The following NTM variants were observed in gnomAD, a reference collection of about 807,000 sequenced individuals.
NTM encodes neurotrimin, also known as IgLON family member 2.
NTM carries 13 observed loss-of-function variants against 42.1 expected under a neutral mutation model. The observed-to-expected ratio is 0.31, with a 90% CI of 0.20 to 0.49. The LOEUF (loss-of-function observed/expected upper bound fraction) is 0.49. NTM is among the 20% of genes least tolerant of loss of function. The pLI, the probability that NTM is intolerant of heterozygous loss-of-function variation, is 0.99. For missense variants in NTM, 373 were observed against 452.8 expected, an observed-to-expected ratio of 0.82 and a Z score of 1.60; for synonymous variants, 187 against 179.2, an observed-to-expected ratio of 1.04 and a Z score of -0.35.
At chr11:131,999,580 C>T (rs189837428) in intron 2 of NTM, among the ~76,000 whole-genome samples, 29 of 152,330 alleles carry the variant, frequency 1.9e-4, no homozygotes, top group African/African-American at 7.0e-4. Context: ...CCCTTCCTTC[C>T]AGAGCAGGGA....
chr11:131,468,085 G>A lies in NTM; in HGVS notation c.82+97197G>A, dbSNP rs902551876. Among the ~76,000 whole-genome samples the A allele has an allele frequency of 2.0e-5, 3 of 152,356 alleles. No homozygotes were observed. The East Asian group carries it at 5.8e-4, about 29-fold the overall frequency. On this transcript the variant is annotated intron_variant, in intron 1 of 8. Transcript: ENST00000683400. ...AGGGTCAGTGTGAACTGATCTCACA[G>A]GAAGGGCATTTAGTACGGTGGCTTC...
chr11:131,962,970 G>A (rs1036243060), intron 2 of NTM, among the ~76,000 whole-genome samples: 2 of 152,160 alleles, frequency 1.3e-5, no homozygotes, highest in African/African-American at 2.4e-5. Context: ...GTGTGAAATA[G>A]CGTTTGCTAC....
chr11:131,959,449 G>T lies in NTM; in HGVS notation c.167+47801G>T, dbSNP rs140792676. Reference sequence around the variant, plus strand: ...TTGAGACCAGCCTGGGCAACATAGAGAAACCCCATCTTTACAAAATAAAAT... The same window carrying T: ...TTGAGACCAGCCTGGGCAACATAGATAAACCCCATCTTTACAAAATAAAAT... On this transcript the variant is annotated intron_variant, in intron 2 of 8. Coordinates refer to ENST00000683400, the MANE Select transcript of NTM (RefSeq NM_001352005.2). 2.3e-3 allele frequency among the ~76,000 whole-genome samples: 344 copies of T among 152,088 alleles called. 1 individual carries two copies. The highest frequency in any genetic ancestry group is 8.1e-3 in the African/African-American group (336 of 41,486).
chr11:131,757,259 C>T (rs543753206), intron 1 of NTM, among the ~76,000 whole-genome samples: 2 of 152,210 alleles, frequency 1.3e-5, no homozygotes, highest in East Asian at 1.9e-4. Context: ...CAGTCTTAGG[C>T]CTGATGGAGA....
chr11:132,202,902 G>T (rs1172498859), intron 3 of NTM, among the ~76,000 whole-genome samples: 1 of 152,140 alleles, frequency 6.6e-6, no homozygotes, highest in South Asian at 2.1e-4. Context: ...AACATGAATG[G>T]TTTTACTATG....
chr11:131,587,166 C>T (rs1017699678), intron 1 of NTM, among the ~76,000 whole-genome samples: 1 of 152,158 alleles, frequency 6.6e-6, no homozygotes, highest in Admixed American at 6.5e-5. Flanking sequence ...GTAGCTAAGG[C>T]ACAGAAAGTT....
At chr11:132,030,309 C>T (rs2075752516) in intron 2 of NTM, among the ~76,000 whole-genome samples, 1 of 152,196 alleles carries the variant, frequency 6.6e-6, no homozygotes. Context: ...GTCCAATTAT[C>T]TCCTAAAATC....
chr11:131,406,456 A>G (rs1288244242), intron 1 of NTM, among the ~76,000 whole-genome samples: 1 of 152,170 alleles, frequency 6.6e-6, no homozygotes, highest in Non-Finnish European at 1.5e-5. Flanking sequence ...AGTCAAGTCA[A>G]CCTTACTACA....
At chr11:132,099,139 C>G (rs2061359159) in intron 2 of NTM, among the ~76,000 whole-genome samples, 1 of 30,882 alleles carries the variant, frequency 3.2e-5, no homozygotes, top group African/African-American at 1.5e-4. Flanking sequence ...GTAGCAACAC[C>G]TGTAACATCA....
chr11:131,696,951 C>G (rs927214167), intron 1 of NTM, among the ~76,000 whole-genome samples: 2 of 152,194 alleles, frequency 1.3e-5, no homozygotes, highest in Non-Finnish European at 2.9e-5. Context: ...GGAATGTCAC[C>G]TTGCCCCTGG....
chr11:131,909,367 C>T (rs1160031106), intron 1 of NTM, among the ~76,000 whole-genome samples: 1 of 152,098 alleles, frequency 6.6e-6, no homozygotes, highest in African/African-American at 2.4e-5. Context: ...GTACCGAAGC[C>T]CTTATGGTTA....
chr11:131,488,537 G>A (rs1028552865), intron 1 of NTM, among the ~76,000 whole-genome samples: 5 of 152,160 alleles, frequency 3.3e-5, no homozygotes, highest in Non-Finnish European at 5.9e-5. Flanking sequence ...AGAGAAACTT[G>A]CAGCCCAGCC....
At chr11:131,450,909 C>T (rs2034381) in intron 1 of NTM, among the ~76,000 whole-genome samples, 17 of 151,362 alleles carry the variant, frequency 1.1e-4, no homozygotes, top group African/African-American at 2.9e-4. Flanking sequence ...ATAAATAAAC[C>T]TTTTTTTTTC....
intron 1 of NTM, among the ~76,000 whole-genome samples, chr11:131,818,004 T>C (rs1171703679): frequency 1.3e-5 from 2 of 151,930 alleles, no homozygotes; most frequent in Non-Finnish European, 2.9e-5. Context: ...GCAACAACAC[T>C]GAAGATGATA....
At chr11:132,307,310 G>A (rs185905263) in intron 4 of NTM, among the ~76,000 whole-genome samples, 1 of 152,292 alleles carries the variant, frequency 6.6e-6, no homozygotes, top group African/African-American at 2.4e-5. Flanking sequence ...TCAAGGCTCA[G>A]TCTAAGTGAT....
At chr11:131,516,996 G>C (rs1328259107) in intron 1 of NTM, among the ~76,000 whole-genome samples, 1 of 152,196 alleles carries the variant, frequency 6.6e-6, no homozygotes, top group Non-Finnish European at 1.5e-5. Flanking sequence ...AATAAGATGG[G>C]CATGGGGGAA....
Position 131,960,753 on chromosome 11 carries a change from G to A in NTM, c.167+49105G>A, listed in dbSNP as rs138754747. Among the ~76,000 whole-genome samples the A allele has an allele frequency of 6.6e-5, 10 of 152,268 alleles. No homozygotes were observed. The East Asian group carries it at 7.7e-4, about 12-fold the overall frequency. On this transcript the variant is annotated intron_variant, in intron 2 of 8. Coordinates refer to ENST00000683400, the MANE Select transcript of NTM (RefSeq NM_001352005.2). ...CCTGTTCCCTTCCAGGGTCTACAGC[G>A]TTCCTCTCCAAGTGCCTGAGGTTTT...
intron 1 of NTM, among the ~76,000 whole-genome samples, chr11:131,649,113 A>G (rs1289888213): frequency 6.6e-6 from 1 of 152,138 alleles, no homozygotes; most frequent in Non-Finnish European, 1.5e-5. Context: ...TGTTCAGATA[A>G]TCACTGGCAC....
At chr11:131,973,579 G>A (rs2063870224) in intron 2 of NTM, among the ~76,000 whole-genome samples, 1 of 152,184 alleles carries the variant, frequency 6.6e-6, no homozygotes, top group Non-Finnish European at 1.5e-5. Context: ...CAGCACCTTG[G>A]GCCACAGTGG....
Sources: gnomAD v4.1 joint callset for allele counts (sites outside exome capture counted in the v4.1 genomes callset) on GRCh38, gnomAD v4.1.1 for gene constraint, MANE v1.5 for transcripts, NCBI Gene and HGNC (gene_info 2026-07-23, HGNC 2026-07-21) for gene names.